CNTNAP5: variants seen among roughly 807,000 people sequenced by gnomAD.
CNTNAP5 encodes contactin-associated protein-like 5.
CNTNAP5 carries 72 observed loss-of-function variants against 150.2 expected under a neutral mutation model. That is an observed-to-expected ratio of 0.48 (90% confidence interval 0.40 to 0.58). The LOEUF (loss-of-function observed/expected upper bound fraction) is 0.58. CNTNAP5 is among the 20% of genes least tolerant of loss of function. The pLI is 0.00. For synonymous variants in CNTNAP5, 672 were observed against 619.8 expected (o/e 1.08, Z -1.25); for missense variants, 1,636 against 1,626.2 (o/e 1.01, Z -0.10).
At chr2:124,614,092 A>G (rs1481968929) in intron 12 of CNTNAP5, among the ~76,000 whole-genome samples, 1 of 152,232 alleles carries the variant, frequency 6.6e-6, no homozygotes, top group Admixed American at 6.5e-5. Flanking sequence ...AATAAGGTTC[A>G]GCCAATATAA....
intron 3 of CNTNAP5, among the ~76,000 whole-genome samples, chr2:124,410,907 CA>C (rs1459188584): frequency 6.6e-6 from 1 of 151,310 alleles, no homozygotes; most frequent in Non-Finnish European, 1.5e-5. Flanking sequence ...AATAGAGACA[CA>C]AAAAACTCTT....
At chr2:124,262,271 C>T (rs957070152) in intron 3 of CNTNAP5, among the ~76,000 whole-genome samples, 11 of 151,882 alleles carry the variant, frequency 7.2e-5, no homozygotes, top group African/African-American at 2.7e-4. Flanking sequence ...ATAACCCACC[C>T]CATTCTAAGC....
chr2:124,216,997 G>T (rs1333871178), intron 1 of CNTNAP5, among the ~76,000 whole-genome samples: 1 of 152,132 alleles, frequency 6.6e-6, no homozygotes, highest in African/African-American at 2.4e-5. Flanking sequence ...CTAGTTTACG[G>T]TCCCACCAAC....
At chr2:124,337,470 T>C (rs537768608) in intron 3 of CNTNAP5, among the ~76,000 whole-genome samples, 1 of 152,310 alleles carries the variant, frequency 6.6e-6, no homozygotes, top group South Asian at 2.1e-4. Flanking sequence ...CAGAATGGTA[T>C]TCCCTAGGTT....
chr2:124,812,493 T>C (rs1682258446), intron 19 of CNTNAP5, among the ~76,000 whole-genome samples: 1 of 152,076 alleles, frequency 6.6e-6, no homozygotes, highest in Admixed American at 6.6e-5. Flanking sequence ...ACTTTTGGAA[T>C]TCAGGAAAAG....
rs575612129 is a variant in CNTNAP5, at chr2:124,334,656, A to G, written c.382-82787A>G. 2.0e-5 allele frequency among the ~76,000 whole-genome samples: 3 copies of G among 152,238 alleles called. No homozygotes were observed. The East Asian group carries it at 5.8e-4, about 29-fold the overall frequency. On this transcript the variant is annotated intron_variant, in intron 3 of 23. Transcript: ENST00000682447. The stretch of plus-strand genomic sequence containing the variant: ...AGTCAGGAATCCAGACATCCAAATG[A>G]TCTTCTGGTCAAAAGGATTTTACTT...
chr2:124,209,874 TC>T (rs1558802309), intron 1 of CNTNAP5, among the ~76,000 whole-genome samples: 1 of 152,194 alleles, frequency 6.6e-6, no homozygotes, highest in Non-Finnish European at 1.5e-5. Flanking sequence ...AGTATTTACA[TC>T]CCGTGCAGTA....
chr2:124,730,093 A>T (rs1019853390), intron 13 of CNTNAP5, among the ~76,000 whole-genome samples: 4 of 152,092 alleles, frequency 2.6e-5, no homozygotes, highest in African/African-American at 9.7e-5. Flanking sequence ...TTTTCTCGTG[A>T]TAGCAACAAA....
intron 1 of CNTNAP5, among the ~76,000 whole-genome samples, chr2:124,146,089 G>C (rs764248407): frequency 1.3e-5 from 2 of 152,142 alleles, no homozygotes; most frequent in Non-Finnish European, 2.9e-5. Flanking sequence ...CACCATACCT[G>C]CTAACAAAGA....
intron 3 of CNTNAP5, among the ~76,000 whole-genome samples, chr2:124,362,307 T>C (rs537055722): frequency 9.2e-5 from 14 of 152,210 alleles, no homozygotes; most frequent in Admixed American, 3.9e-4. Context: ...ACCGGAGCTA[T>C]TCCTATTCGA....
At position 124,314,198 on chromosome 2, in the gene CNTNAP5, C is replaced by T. The variant is rs913018772; in HGVS notation, c.381+71805C>T. 4.6e-5 allele frequency among the ~76,000 whole-genome samples: 7 copies of T among 152,266 alleles called. No individual in the cohort carries two copies. The East Asian group carries it at 1.2e-3, about 25-fold the overall frequency. On this transcript the variant is annotated intron_variant, in intron 3 of 23. Coordinates refer to ENST00000682447, the MANE Select transcript of CNTNAP5 (RefSeq NM_001367498.1). ...GCCTAGAGCTGGCAACATGCAATCT[C>T]GTACTACTTCATCTGAATTACTGAA...
At chr2:124,743,365 G>C (rs1680538120) in intron 13 of CNTNAP5, among the ~76,000 whole-genome samples, 1 of 152,158 alleles carries the variant, frequency 6.6e-6, no homozygotes. Context: ...AAAGAAGTCA[G>C]AATTTAAATC....
intron 14 of CNTNAP5, among the ~76,000 whole-genome samples, chr2:124,759,778 G>T (rs2105160120): frequency 1.3e-5 from 2 of 151,950 alleles, no homozygotes; most frequent in East Asian, 3.9e-4. Flanking sequence ...TGCAGATGTG[G>T]TCCAGTCCCT....
At chr2:124,195,431 C>T (rs536664608) in intron 1 of CNTNAP5, among the ~76,000 whole-genome samples, 195 of 152,296 alleles carry the variant, frequency 1.3e-3, no homozygotes, top group Non-Finnish European at 2.4e-3. Flanking sequence ...CAGAGGCTCT[C>T]TTGCAATACT....
chr2:124,345,293 A>T (rs1689711314), intron 3 of CNTNAP5, among the ~76,000 whole-genome samples: 1 of 152,158 alleles, frequency 6.6e-6, no homozygotes, highest in Admixed American at 6.5e-5. Context: ...TTCATTTTTC[A>T]TCACCTCTGT....
intron 1 of CNTNAP5, among the ~76,000 whole-genome samples, chr2:124,034,307 AT>A (rs1400086517): frequency 6.6e-6 from 1 of 152,196 alleles, no homozygotes; most frequent in Non-Finnish European, 1.5e-5. Flanking sequence ...CTCAGCATGG[AT>A]TTTCTCATAA....
At chr2:124,444,671 C>T (rs918262004) in intron 5 of CNTNAP5, among the ~76,000 whole-genome samples, 1 of 152,122 alleles carries the variant, frequency 6.6e-6, no homozygotes, top group African/African-American at 2.4e-5. Flanking sequence ...ACTCAAAGTT[C>T]CATTTCTTAA....
At chr2:124,537,770 G>A (rs1170099075) in intron 10 of CNTNAP5, among the ~76,000 whole-genome samples, 1 of 152,166 alleles carries the variant, frequency 6.6e-6, no homozygotes, top group Non-Finnish European at 1.5e-5. Context: ...TTGAACAAGT[G>A]CATCTGTGTC....
rs143200875 is a variant in CNTNAP5, at chr2:124,416,653, C to T, written c.382-790C>T. Among the ~76,000 whole-genome samples the T allele has an allele frequency of 3.4e-3, 511 of 152,130 alleles. 2 individuals are homozygous for T. Among genetic ancestry groups the T allele is most frequent in the African/African-American group, 0.012 (483 of 41,518 alleles). On this transcript the variant is annotated intron_variant, in intron 3 of 23. Coordinates refer to ENST00000682447, the MANE Select transcript of CNTNAP5 (RefSeq NM_001367498.1). ...GTGATTTGGAGATTTTTTTCCTTCC[C>T]TTTTTCTCTTTCTAGGCTTCTTTTT...
Sources: allele counts gnomAD v4.1 joint callset (sites outside exome capture counted in the v4.1 genomes callset), GRCh38; gene constraint gnomAD v4.1.1; transcripts MANE v1.5; gene names NCBI Gene and HGNC (gene_info 2026-07-23, HGNC 2026-07-21).